The following AKAP19 variants were observed in gnomAD, a reference collection of about 807,000 sequenced individuals.
AKAP19 encodes small A-kinase anchoring protein.
At chr2:190,128,892 A>T in the AKAP19 span, among the ~76,000 whole-genome samples, 1 of 152,238 alleles carries the variant, frequency 6.6e-6, no homozygotes, top group South Asian at 2.1e-4. Flanking sequence ...TCAATTGATT[A>T]TCATAGAAGA....
At chr2:189,990,237 C>T in the AKAP19 span, among the ~76,000 whole-genome samples, 4 of 152,156 alleles carry the variant, frequency 2.6e-5, no homozygotes, top group Non-Finnish European at 5.9e-5. Flanking sequence ...CATTTACTAT[C>T]ACATATGATT....
chr2:190,198,719 A>ACAAT, the AKAP19 span, among the ~76,000 whole-genome samples: 46,896 of 151,082 alleles, frequency 0.31, 7,863 homozygotes, highest in East Asian at 0.48. Context: ...AAACTAAGAT[A>ACAAT]CAATCAGGGA....
the AKAP19 span, among the ~76,000 whole-genome samples, chr2:189,987,453 A>G: frequency 6.6e-6 from 1 of 152,220 alleles, no homozygotes; most frequent in East Asian, 1.9e-4. Context: ...CAATGGGTCT[A>G]TAAGTAAGAT....
the AKAP19 span, chr2:190,089,683 C>T: frequency 1.1e-4 from 17 of 152,070 alleles, no homozygotes; most frequent in African/African-American, 4.1e-4. Flanking sequence ...TGTACATACA[C>T]CATAAAGAAT....
chr2:189,965,094 G>A, the AKAP19 span, among the ~76,000 whole-genome samples: 1 of 152,092 alleles, frequency 6.6e-6, no homozygotes, highest in African/African-American at 2.4e-5. Context: ...ACAGTTAAAG[G>A]CCATTGTAGG....
chr2:189,989,933 T>C, the AKAP19 span, among the ~76,000 whole-genome samples: 1 of 152,202 alleles, frequency 6.6e-6, no homozygotes, highest in Admixed American at 6.5e-5. Flanking sequence ...TGGCATTCTC[T>C]CTGAACTGAT....
At chr2:190,069,763 A>G in the AKAP19 span, among the ~76,000 whole-genome samples, 2 of 152,314 alleles carry the variant, frequency 1.3e-5, no homozygotes, top group East Asian at 3.9e-4. Context: ...TTAAACCCTT[A>G]TTGTGCACCT....
the AKAP19 span, among the ~76,000 whole-genome samples, chr2:189,974,589 TC>T: frequency 6.6e-6 from 1 of 152,222 alleles, no homozygotes; most frequent in South Asian, 2.1e-4. Flanking sequence ...TGTTAAAGTC[TC>T]CCATTATTAT....
chr2:190,045,083 C>T, the AKAP19 span, among the ~76,000 whole-genome samples: 2 of 152,140 alleles, frequency 1.3e-5, no homozygotes, highest in African/African-American at 2.4e-5. Context: ...AACATGGTGG[C>T]CCTCCCCTCC....
chr2:189,963,889 G>C, the AKAP19 span, among the ~76,000 whole-genome samples: 10 of 151,810 alleles, frequency 6.6e-5, no homozygotes, highest in Non-Finnish European at 1.3e-4. Flanking sequence ...TCAGCCTCCT[G>C]AGTAGCTGGG....
chr2:189,977,964 T>C, the AKAP19 span, among the ~76,000 whole-genome samples: 99 of 152,370 alleles, frequency 6.5e-4, no homozygotes, highest in African/African-American at 2.2e-3. Flanking sequence ...CATAAGCTGT[T>C]CAACACTTTA....
At chr2:189,911,079 T>C in the AKAP19 span, among the ~76,000 whole-genome samples, 2 of 152,220 alleles carry the variant, frequency 1.3e-5, no homozygotes, top group South Asian at 4.1e-4. Flanking sequence ...GGAAGAATTT[T>C]ACTCCATCTG....
chr2:190,001,894 C>A, the AKAP19 span, among the ~76,000 whole-genome samples: 1 of 152,352 alleles, frequency 6.6e-6, no homozygotes, highest in African/African-American at 2.4e-5. Flanking sequence ...ACCAGGACTA[C>A]AACCTTAGAC....
the AKAP19 span, among the ~76,000 whole-genome samples, chr2:190,153,431 A>G: frequency 1.3e-5 from 2 of 152,196 alleles, no homozygotes; most frequent in East Asian, 1.9e-4. Flanking sequence ...CAATTAGACA[A>G]TGTTAACTAG....
the AKAP19 span, among the ~76,000 whole-genome samples, chr2:190,167,149 C>T: frequency 2.0e-5 from 3 of 152,186 alleles, no homozygotes; most frequent in Admixed American, 2.0e-4. Flanking sequence ...ATTGGACTTA[C>T]AGTTGCATGT....
the AKAP19 span, chr2:190,057,151 TAGCATACTCTAGGCCTATAGCC>T: frequency 8.4e-7 from 1 of 1,183,998 alleles, no homozygotes; most frequent in Admixed American, 2.0e-5. Context: ...TAAGTGACTG[TAGCATACTCTAGGCCTATAGCC>T]TGTGGTACTT....
the AKAP19 span, among the ~76,000 whole-genome samples, chr2:189,959,478 A>T: frequency 6.6e-6 from 1 of 152,210 alleles, no homozygotes; most frequent in African/African-American, 2.4e-5. Flanking sequence ...TGGTATTTAT[A>T]CATTTCTCAT....
At chr2:190,071,823 A>G in the AKAP19 span, among the ~76,000 whole-genome samples, 12 of 152,282 alleles carry the variant, frequency 7.9e-5, no homozygotes, top group Non-Finnish European at 5.9e-5. Flanking sequence ...AGAAAGAAAA[A>G]AGTCAGAAAA....
the AKAP19 span, among the ~76,000 whole-genome samples, chr2:189,906,013 T>C: frequency 6.6e-6 from 1 of 152,114 alleles, no homozygotes; most frequent in East Asian, 1.9e-4. Context: ...CTTTGCATTT[T>C]ACCTAAAATA....
Sources: gnomAD v4.1 joint callset for allele counts (sites outside exome capture counted in the v4.1 genomes callset) on GRCh38, gnomAD v4.1.1 for gene constraint, MANE v1.5 for transcripts, NCBI Gene and HGNC (gene_info 2026-07-23, HGNC 2026-07-21) for gene names.